The following NUDCD3 variants were observed in gnomAD, a reference collection of about 807,000 sequenced individuals.
The protein encoded by NUDCD3 is NudC domain containing 3.
A neutral mutation model predicts 39.7 loss-of-function variants in NUDCD3; 13 were observed. That is an observed-to-expected ratio of 0.33 (90% confidence interval 0.21 to 0.52). The LOEUF is 0.52. NUDCD3 is among the 20% of genes least tolerant of loss of function. NUDCD3 has a pLI of 0.96. For missense variants in NUDCD3, 453 were observed against 458.1 expected (o/e 0.99, Z 0.10); for synonymous variants, 175 against 172.4 (o/e 1.02, Z -0.12).
chr7:44,390,102 C>G lies in NUDCD3; in HGVS notation c.975+2195G>C, dbSNP rs568203605. 9.2e-5 allele frequency among the ~76,000 whole-genome samples: 14 copies of G among 152,296 alleles called. No individual in the cohort carries two copies. In the East Asian group the frequency reaches 2.7e-3, roughly 29 times the overall value. Reference sequence around the variant, plus strand: ...AAAACTGGCCAGGCGTGGTGGCTCACGTCTGTAATACCAGCACTTTGGGAG... The same window carrying G: ...AAAACTGGCCAGGCGTGGTGGCTCAGGTCTGTAATACCAGCACTTTGGGAG... On this transcript the variant is annotated intron_variant, in intron 5 of 5. Coordinates refer to ENST00000355451, the MANE Select transcript of NUDCD3 (RefSeq NM_015332.4).
intron 1 of NUDCD3, among the ~76,000 whole-genome samples, chr7:44,488,835 G>A (rs1800672633): frequency 6.6e-6 from 1 of 152,076 alleles, no homozygotes; most frequent in South Asian, 2.1e-4. Flanking sequence ...GTGTTACCAG[G>A]TAAATGAGTT....
intron 2 of NUDCD3, among the ~76,000 whole-genome samples, chr7:44,442,462 G>C (rs938635902): frequency 6.6e-6 from 1 of 152,168 alleles, no homozygotes; most frequent in South Asian, 2.1e-4. Context: ...AGCACATGCA[G>C]GAGAGTATGC....
At chr7:44,484,427 T>C (rs1800560813) in intron 2 of NUDCD3, 1 of 152,548 alleles carries the variant, frequency 6.6e-6, no homozygotes, top group South Asian at 2.1e-4. Context: ...TCACAACAGC[T>C]CTATGAGACA....
In NUDCD3 at chr7:44,422,329, G is replaced by GA. The variant is rs942032465; in HGVS notation, c.642+5241dup. On this transcript the variant is annotated intron_variant, in intron 3 of 5. Coordinates refer to ENST00000355451, the MANE Select transcript of NUDCD3 (RefSeq NM_015332.4). ...GAGATAGAGACATGAAAAACTCTTA[G>GA]AAAAAAATCAATGAATCCAGGAGCT... is the stretch of plus-strand genomic sequence containing the variant. Among the ~76,000 whole-genome samples, 8 of 151,272 alleles carry GA rather than the reference G, an allele frequency of 5.3e-5. No individual in the cohort carries two copies. The South Asian group carries it at 8.4e-4, about 16-fold the overall frequency.
At chr7:44,487,448 A>T (rs897295469) in intron 1 of NUDCD3, among the ~76,000 whole-genome samples, 9 of 150,656 alleles carry the variant, frequency 6.0e-5, no homozygotes, top group African/African-American at 2.2e-4. Flanking sequence ...TTATGCCATC[A>T]AGTTAGGGAC....
intron 2 of NUDCD3, chr7:44,484,299 CAT>C (rs1037913159): frequency 6.6e-6 from 1 of 152,240 alleles, no homozygotes; most frequent in African/African-American, 2.4e-5. Context: ...ACCCACAAAA[CAT>C]AACTCCTAAA....
At chr7:44,443,473 C>T (rs1799630609) in intron 2 of NUDCD3, among the ~76,000 whole-genome samples, 3 of 151,872 alleles carry the variant, frequency 2.0e-5, no homozygotes, top group Admixed American at 1.3e-4. Flanking sequence ...TGCAGTGGCG[C>T]CATCTTGGCT....
intron 4 of NUDCD3, among the ~76,000 whole-genome samples, chr7:44,400,883 T>C (rs1798709060): frequency 6.6e-6 from 1 of 152,226 alleles, no homozygotes; most frequent in Non-Finnish European, 1.5e-5. Flanking sequence ...AACTTAATCA[T>C]ATCTACAAAG....
chr7:44,412,649 C>T (rs1299512504), intron 3 of NUDCD3, among the ~76,000 whole-genome samples: 4 of 152,086 alleles, frequency 2.6e-5, no homozygotes, highest in South Asian at 2.1e-4. Context: ...TTGGCAGGGC[C>T]GGGCGCAGTG....
At position 44,485,311 on chromosome 7, in the gene NUDCD3, C is replaced by G. The variant is rs769715206; in HGVS notation, c.193-27G>C. 7 of 1,553,972 alleles carry G rather than the reference C, an allele frequency of 4.5e-6. No individual in the cohort carries two copies. In the South Asian group the frequency reaches 8.2e-5, roughly 18 times the overall value. Reference sequence around the variant, plus strand: ...TAAAATCAAACACCAATCCAGCAATCAGTTCATCTGCCCAATACTGTACCA... The same window carrying G: ...TAAAATCAAACACCAATCCAGCAATGAGTTCATCTGCCCAATACTGTACCA... On this transcript the variant is annotated intron_variant, in intron 1 of 5. Transcript: ENST00000355451.
intron 2 of NUDCD3, chr7:44,467,817 T>TAAAA: frequency 3.5e-6 from 3 of 863,798 alleles, no homozygotes; most frequent in Non-Finnish European, 3.5e-6. Flanking sequence ...AAGACCTCAG[T>TAAAA]AAAAAAAAAA....
Position 44,440,688 on chromosome 7 carries a change from T to C in NUDCD3, c.510-12985A>G, listed in dbSNP as rs137990950. Among the ~76,000 whole-genome samples the C allele has an allele frequency of 4.1e-4, 63 of 152,246 alleles. 1 individual carries two copies. In the East Asian group the frequency reaches 4.8e-3, roughly 12 times the overall value. Reference sequence around the variant, plus strand: ...AGACCATGGGGTTGAAGCCAGCCCATAGTTTGAATCCTGGGCTTCAGCTCA... The same window carrying C: ...AGACCATGGGGTTGAAGCCAGCCCACAGTTTGAATCCTGGGCTTCAGCTCA... On this transcript the variant is annotated intron_variant, in intron 2 of 5. Coordinates refer to ENST00000355451, the MANE Select transcript of NUDCD3 (RefSeq NM_015332.4).
intron 2 of NUDCD3, among the ~76,000 whole-genome samples, chr7:44,461,049 C>T (rs1800000109): frequency 6.6e-6 from 1 of 152,230 alleles, no homozygotes; most frequent in African/African-American, 2.4e-5. Flanking sequence ...CTCTGCTTAT[C>T]TCAAAACGCT....
intron 2 of NUDCD3, among the ~76,000 whole-genome samples, chr7:44,439,092 T>C (rs1799526827): frequency 6.6e-6 from 1 of 150,770 alleles, no homozygotes; most frequent in South Asian, 2.1e-4. Context: ...GGAGGAGGAG[T>C]AGCGAGTGAG....
intron 2 of NUDCD3, among the ~76,000 whole-genome samples, chr7:44,451,768 G>A (rs1799797657): frequency 1.3e-5 from 2 of 152,092 alleles, no homozygotes; most frequent in African/African-American, 4.8e-5. Flanking sequence ...AATACATGCA[G>A]TTTAGTACAC....
At chr7:44,402,264 T>C (rs1296347600) in intron 4 of NUDCD3, among the ~76,000 whole-genome samples, 1 of 152,228 alleles carries the variant, frequency 6.6e-6, no homozygotes, top group Non-Finnish European at 1.5e-5. Flanking sequence ...ACAAAGAGCC[T>C]GGCCCAAAGA....
chr7:44,399,463 T>C (rs1332270997), intron 4 of NUDCD3, among the ~76,000 whole-genome samples: 1 of 152,218 alleles, frequency 6.6e-6, no homozygotes, highest in Non-Finnish European at 1.5e-5. Context: ...TGAAGAAGTA[T>C]GTTAAGTAAT....
At chr7:44,490,360 G>C (rs1197872695) in intron 1 of NUDCD3, 49 bp downstream of exon 1, 2 of 1,472,720 alleles carry the variant, frequency 1.4e-6, no homozygotes, top group Non-Finnish European at 1.8e-6. Context: ...CAGGAGTCAG[G>C]GCAGGCCGGG....
chr7:44,464,102 T>G (rs570159082), intron 2 of NUDCD3, among the ~76,000 whole-genome samples: 1 of 150,790 alleles, frequency 6.6e-6, no homozygotes, highest in Non-Finnish European at 1.5e-5. Flanking sequence ...TAGTCCCAGC[T>G]ACTTGGGAGG....
Sources: allele counts gnomAD v4.1 joint callset (sites outside exome capture counted in the v4.1 genomes callset), GRCh38; gene constraint gnomAD v4.1.1; transcripts MANE v1.5; gene names NCBI Gene and HGNC (gene_info 2026-07-23, HGNC 2026-07-21).